The following CNTNAP2 variants were observed in gnomAD, a reference collection of about 807,000 sequenced individuals.
The protein encoded by CNTNAP2 is contactin-associated protein-like 2.
Under a neutral mutation model 155.2 loss-of-function variants are expected in CNTNAP2, and 98 were observed. The observed-to-expected ratio is 0.63, with a 90% confidence interval of 0.54 to 0.75. The LOEUF (loss-of-function observed/expected upper bound fraction) is 0.75, where lower values mean the gene tolerates loss of function less well. Among genes scored for constraint, CNTNAP2 ranks in the 30% least tolerant of loss-of-function variants. The pLI is 0.00. For missense variants in CNTNAP2, 1,727 were observed against 1,688.1 expected (o/e 1.02, Z -0.40); for synonymous variants, 651 against 631.2 (o/e 1.03, Z -0.47).
intron 21 of CNTNAP2, among the ~76,000 whole-genome samples, chr7:148,292,146 C>G (rs1797201263): frequency 6.6e-6 from 1 of 152,108 alleles, no homozygotes; most frequent in African/African-American, 2.4e-5. Flanking sequence ...TTGTAAAAGA[C>G]AGGTTTTCAC....
intron 3 of CNTNAP2, among the ~76,000 whole-genome samples, chr7:146,889,263 A>G (rs940703105): frequency 2.6e-5 from 4 of 152,178 alleles, no homozygotes; most frequent in Non-Finnish European, 4.4e-5. Flanking sequence ...ATATATTTAG[A>G]TATTTCTTCC....
At chr7:146,235,753 A>T (rs912503824) in intron 1 of CNTNAP2, among the ~76,000 whole-genome samples, 1 of 152,098 alleles carries the variant, frequency 6.6e-6, no homozygotes, top group Non-Finnish European at 1.5e-5. Context: ...GAAAAGGGCT[A>T]TGGGGGCAGA....
chr7:147,721,182 G>A (rs772576770), intron 13 of CNTNAP2, among the ~76,000 whole-genome samples: 1 of 151,632 alleles, frequency 6.6e-6, no homozygotes, highest in South Asian at 2.1e-4. Context: ...AATCAGTGCT[G>A]GTTTCTATGT....
intron 8 of CNTNAP2, among the ~76,000 whole-genome samples, chr7:147,163,896 T>C (rs986969610): frequency 1.3e-5 from 2 of 152,188 alleles, no homozygotes; most frequent in African/African-American, 2.4e-5. Context: ...TTGTATAAGA[T>C]TGAATTTACA....
intron 1 of CNTNAP2, among the ~76,000 whole-genome samples, chr7:146,723,675 A>G (rs868189881): frequency 2.0e-5 from 3 of 152,196 alleles, no homozygotes; most frequent in Admixed American, 1.3e-4. Context: ...TAAATGGTCA[A>G]TGCAGTTCAA....
At chr7:147,677,634 G>A (rs571167814) in intron 13 of CNTNAP2, among the ~76,000 whole-genome samples, 1 of 151,612 alleles carries the variant, frequency 6.6e-6, no homozygotes, top group African/African-American at 2.4e-5. Flanking sequence ...GTTTTTCAAC[G>A]AGTTTCACAG....
chr7:146,955,308 CTG>C (rs1363772208), intron 3 of CNTNAP2, among the ~76,000 whole-genome samples: 2 of 151,926 alleles, frequency 1.3e-5, no homozygotes, highest in Non-Finnish European at 2.9e-5. Context: ...AGATTTAAGA[CTG>C]TTTATCCCTG....
intron 8 of CNTNAP2, among the ~76,000 whole-genome samples, chr7:147,255,966 C>T (rs777757211): frequency 2.0e-5 from 3 of 152,066 alleles, no homozygotes; most frequent in Non-Finnish European, 4.4e-5. Flanking sequence ...GTCTCGAACT[C>T]CTCACCTCAA....
intron 1 of CNTNAP2, among the ~76,000 whole-genome samples, chr7:146,517,334 A>G (rs1031838741): frequency 6.6e-6 from 1 of 151,992 alleles, no homozygotes; most frequent in Non-Finnish European, 1.5e-5. Context: ...GGTAATAAAA[A>G]CTTGGTGAAG....
At chr7:148,293,642 T>C (rs1797231796) in intron 21 of CNTNAP2, among the ~76,000 whole-genome samples, 1 of 152,138 alleles carries the variant, frequency 6.6e-6, no homozygotes, top group Admixed American at 6.5e-5. Context: ...CCCTGACACA[T>C]TATTAAAACA....
chr7:148,333,400 C>T (rs1585283012), intron 21 of CNTNAP2, among the ~76,000 whole-genome samples: 1 of 151,794 alleles, frequency 6.6e-6, no homozygotes, highest in African/African-American at 2.4e-5. Context: ...TGTGCTCCAT[C>T]CTGGGTGACA....
At position 146,861,571 on chromosome 7, in the gene CNTNAP2, C is replaced by A. The variant is rs537323351; in HGVS notation, c.402+21667C>A. 7.9e-5 allele frequency among the ~76,000 whole-genome samples: 12 copies of A among 152,134 alleles called. 1 individual carries two copies. The highest frequency in any genetic ancestry group is 2.9e-4 in the African/African-American group (12 of 41,512). ...TCACAATCCAAGTGTACATTGCTGA[C>A]ACTTGGAGATTGTGAATCCATCTCT... On this transcript the variant is annotated intron_variant, in intron 3 of 23. Transcript: ENST00000361727.
At chr7:146,592,793 C>G (rs74406259) in intron 1 of CNTNAP2, among the ~76,000 whole-genome samples, 8,665 of 152,152 alleles carry the variant, frequency 0.057, 385 homozygotes, top group African/African-American at 0.12. Flanking sequence ...AAGAGACCCA[C>G]AGCCAGTGAA....
chr7:146,875,584 C>T (rs543628872), intron 3 of CNTNAP2, among the ~76,000 whole-genome samples: 119 of 152,178 alleles, frequency 7.8e-4, no homozygotes, highest in African/African-American at 2.8e-3. Flanking sequence ...CCCCTGTCTT[C>T]CAGCTTCTGT....
At chr7:147,313,846 C>G (rs893303985) in intron 9 of CNTNAP2, among the ~76,000 whole-genome samples, 5 of 151,332 alleles carry the variant, frequency 3.3e-5, no homozygotes, top group East Asian at 2.0e-4. Context: ...CTATAAATTA[C>G]CTTGGGCAGT....
intron 1 of CNTNAP2, among the ~76,000 whole-genome samples, chr7:146,318,836 G>A (rs780616919): frequency 2.4e-4 from 36 of 152,084 alleles, no homozygotes; most frequent in Non-Finnish European, 7.4e-5. Context: ...GTATAGAAAT[G>A]TTATATATAA....
chr7:146,135,368 T>C (rs907247265), intron 1 of CNTNAP2, among the ~76,000 whole-genome samples: 25 of 152,124 alleles, frequency 1.6e-4, no homozygotes, highest in Non-Finnish European at 3.1e-4. Context: ...AGACAATTTA[T>C]ATAATCTCTC....
In CNTNAP2 at chr7:147,826,026, G is replaced by T. The variant is rs77925616; in HGVS notation, c.2099-77539G>T. On this transcript the variant is annotated intron_variant, in intron 13 of 23. Transcript: ENST00000361727. ...GTGAGAACTTTGAGGATAGATTGAGGGTAGTAATTTACATCAGGCTAAGGA... is the reference window on the plus strand; with the variant it reads ...GTGAGAACTTTGAGGATAGATTGAGTGTAGTAATTTACATCAGGCTAAGGA... Among the ~76,000 whole-genome samples the T allele has an allele frequency of 2.2e-3, 338 of 152,164 alleles. 1 individual carries two copies. Among genetic ancestry groups the T allele is most frequent in the African/African-American group, 7.9e-3 (326 of 41,512 alleles).
At chr7:147,341,749 A>G (rs1674816120) in intron 9 of CNTNAP2, among the ~76,000 whole-genome samples, 2 of 132,278 alleles carry the variant, frequency 1.5e-5, no homozygotes, top group Admixed American at 8.1e-5. Context: ...AATCTAGGCT[A>G]TCACACACAC....
Sources: gnomAD v4.1 joint callset for allele counts (sites outside exome capture counted in the v4.1 genomes callset) on GRCh38, gnomAD v4.1.1 for gene constraint, MANE v1.5 for transcripts, NCBI Gene and HGNC (gene_info 2026-07-23, HGNC 2026-07-21) for gene names.